C8orf34: variants seen among roughly 807,000 people sequenced by gnomAD.
The protein encoded by C8orf34 is uncharacterized protein C8orf34.
Under a neutral mutation model 68.3 loss-of-function variants are expected in C8orf34, and 65 were observed. That is an observed-to-expected ratio of 0.95 (90% CI 0.78 to 1.17). C8orf34 has a LOEUF of 1.17. C8orf34 is among the 50% of genes most tolerant of loss of function. The probability of loss-of-function intolerance (pLI) is 0.00; values close to 1 mark genes in which losing one functional copy is unlikely to be tolerated. For missense variants in C8orf34, 664 were observed against 655.4 expected (o/e 1.01, Z -0.14); for synonymous variants, 244 against 241.2 (o/e 1.01, Z -0.11).
chr8:68,582,168 G>A (rs1379060129), intron 7 of C8orf34, among the ~76,000 whole-genome samples: 1 of 152,076 alleles, frequency 6.6e-6, no homozygotes, highest in Non-Finnish European at 1.5e-5. Flanking sequence ...AAGACCCAAG[G>A]GAAAACTTCA....
intron 12 of C8orf34, among the ~76,000 whole-genome samples, chr8:68,809,505 C>T (rs926937665): frequency 2.8e-4 from 30 of 106,768 alleles, no homozygotes; most frequent in African/African-American, 1.7e-3. Flanking sequence ...TGGAGCCAGC[C>T]ATGGTGCATG....
At chr8:68,374,098 A>G (rs1287287456) in intron 1 of C8orf34, among the ~76,000 whole-genome samples, 2 of 152,134 alleles carry the variant, frequency 1.3e-5, no homozygotes, top group Non-Finnish European at 2.9e-5. Flanking sequence ...TAATTTTTGT[A>G]GAGATGCAGT....
At chr8:68,780,764 A>G (rs536747195) in intron 11 of C8orf34, among the ~76,000 whole-genome samples, 1 of 152,288 alleles carries the variant, frequency 6.6e-6, no homozygotes. Flanking sequence ...ACACACACAC[A>G]TACACACACA....
In C8orf34 at chr8:68,476,286, A is replaced by G. The variant is rs185474631; in HGVS notation, c.736+7466A>G. Among the ~76,000 whole-genome samples, 651 of 152,330 alleles carry G rather than the reference A, an allele frequency of 4.3e-3. 6 individuals are homozygous for G. Among genetic ancestry groups the G allele is most frequent in the African/African-American group, 0.015 (631 of 41,574 alleles). ...AGTCTTGTACAAAGTACTTTAAAAGAGCTGAGGAGTCATAGAAGAATCTCC... is the reference window on the plus strand; with the variant it reads ...AGTCTTGTACAAAGTACTTTAAAAGGGCTGAGGAGTCATAGAAGAATCTCC... On this transcript the variant is annotated intron_variant, in intron 4 of 13. Transcript: ENST00000518698.
At chr8:68,675,001 C>T (rs1820138258) in intron 8 of C8orf34, among the ~76,000 whole-genome samples, 1 of 151,964 alleles carries the variant, frequency 6.6e-6, no homozygotes, top group African/African-American at 2.4e-5. Flanking sequence ...CATGGCATGA[C>T]ATATTTAAAG....
chr8:68,428,692 A>T (rs1341290958), intron 1 of C8orf34, among the ~76,000 whole-genome samples: 1 of 152,132 alleles, frequency 6.6e-6, no homozygotes, highest in African/African-American at 2.4e-5. Context: ...TCCTCAAGGT[A>T]CCAGAATTCA....
intron 12 of C8orf34, among the ~76,000 whole-genome samples, chr8:68,788,895 G>A (rs1242823973): frequency 1.3e-5 from 2 of 152,042 alleles, no homozygotes; most frequent in African/African-American, 4.8e-5. Context: ...GATGGAGAAA[G>A]TAGAATGTAC....
intron 1 of C8orf34, among the ~76,000 whole-genome samples, chr8:68,431,946 G>A (rs1310550883): frequency 6.6e-6 from 1 of 151,936 alleles, no homozygotes; most frequent in Non-Finnish European, 1.5e-5. Context: ...ATACAACAAG[G>A]CTAATTATGC....
intron 7 of C8orf34, among the ~76,000 whole-genome samples, chr8:68,615,209 T>C (rs1324789486): frequency 1.3e-5 from 2 of 149,148 alleles, no homozygotes; most frequent in Admixed American, 1.3e-4. Context: ...TGGGGTTTTC[T>C]AGATATACAA....
rs184031191 is a variant in C8orf34, at chr8:68,505,003, C to T, written c.766-16796C>T. Among the ~76,000 whole-genome samples, 28 of 151,992 alleles carry T rather than the reference C, an allele frequency of 1.8e-4. No individual in the cohort carries two copies. The East Asian group carries it at 2.7e-3, about 15-fold the overall frequency. On this transcript the variant is annotated intron_variant, in intron 5 of 13. Coordinates refer to ENST00000518698, the MANE Select transcript of C8orf34 (RefSeq NM_052958.4). ...CTAAGTTTTGTATTTTTAGTAGAGA[C>T]GGGGTTTCACCATGTTGGTCAGGCT...
chr8:68,787,604 C>A, intron 12 of C8orf34, 68 bp downstream of exon 12: 5 of 1,097,218 alleles, frequency 4.6e-6, no homozygotes, highest in Non-Finnish European at 6.5e-6. Context: ...AAAGCTATTT[C>A]ACTTTCATAG....
chr8:68,339,943 A>G (rs1300887157), intron 1 of C8orf34, among the ~76,000 whole-genome samples: 4 of 152,108 alleles, frequency 2.6e-5, no homozygotes, highest in Non-Finnish European at 5.9e-5. Flanking sequence ...AAGAAGAGAA[A>G]AAACAATTCA....
chr8:68,401,444 G>A lies in C8orf34; in HGVS notation c.328-38055G>A, dbSNP rs138443934. On this transcript the variant is annotated intron_variant, in intron 1 of 13. Transcript: ENST00000518698. ...AGGAGTGGTCAGAATGGACATCCTC[G>A]TCTTATTCTAATTCATAGAGAGAAT... 6.5e-3 allele frequency among the ~76,000 whole-genome samples: 993 copies of A among 152,076 alleles called. 10 individuals carry two copies. The highest frequency in any genetic ancestry group is 0.023 in the African/African-American group (940 of 41,502).
intron 7 of C8orf34, among the ~76,000 whole-genome samples, chr8:68,560,309 A>G (rs149890940): frequency 6.6e-6 from 1 of 152,242 alleles, no homozygotes; most frequent in African/African-American, 2.4e-5. Flanking sequence ...ACTTAGTTTC[A>G]TATCAAGAAT....
At chr8:68,712,677 C>T (rs535995640) in intron 9 of C8orf34, among the ~76,000 whole-genome samples, 206 of 152,034 alleles carry the variant, frequency 1.4e-3, no homozygotes, top group African/African-American at 4.0e-3. Flanking sequence ...AATACTGGAG[C>T]TCCCAAATTT....
Position 68,616,969 on chromosome 8 carries a change from T to C in C8orf34, c.1106-23407T>C, listed in dbSNP as rs575943469. Among the ~76,000 whole-genome samples, 251 of 152,276 alleles carry C rather than the reference T, an allele frequency of 1.6e-3. 1 individual carries two copies. Among genetic ancestry groups the C allele is most frequent in the South Asian group, 9.1e-3 (44 of 4,820 alleles). ...AGGACTTGCTTTATGAATCTGGGTG[T>C]TCCTGTATTGGGTGCATATATATTT... is the stretch of plus-strand genomic sequence containing the variant. On this transcript the variant is annotated intron_variant, in intron 7 of 13. Coordinates refer to ENST00000518698, the MANE Select transcript of C8orf34 (RefSeq NM_052958.4).
At chr8:68,730,859 T>A (rs1363861670) in intron 10 of C8orf34, among the ~76,000 whole-genome samples, 2 of 152,078 alleles carry the variant, frequency 1.3e-5, no homozygotes, top group African/African-American at 4.8e-5. Context: ...CAGCATGAGA[T>A]CCCAGTCATG....
chr8:68,734,817 G>A (rs1473182022), intron 10 of C8orf34, among the ~76,000 whole-genome samples: 2 of 152,136 alleles, frequency 1.3e-5, no homozygotes, highest in East Asian at 1.9e-4. Flanking sequence ...CGGGTAGTGG[G>A]ATACATGCCA....
chr8:68,381,504 G>A (rs1295686245), intron 1 of C8orf34, among the ~76,000 whole-genome samples: 2 of 151,100 alleles, frequency 1.3e-5, no homozygotes, highest in African/African-American at 4.9e-5. Flanking sequence ...AGGCCGAGGC[G>A]GGTGGATCAT....
Sources: gnomAD v4.1 joint callset for allele counts (sites outside exome capture counted in the v4.1 genomes callset) on GRCh38, gnomAD v4.1.1 for gene constraint, MANE v1.5 for transcripts, NCBI Gene and HGNC (gene_info 2026-07-23, HGNC 2026-07-21) for gene names.